MAP4K3: variants seen among roughly 807,000 people sequenced by gnomAD.
The protein encoded by MAP4K3 is MAPK/ERK kinase kinase kinase 3.
MAP4K3 carries 94 observed loss-of-function variants against 143.5 expected under a neutral mutation model. The ratio of observed to expected loss-of-function variants is 0.65; its 90% CI spans 0.55 to 0.78. The LOEUF is 0.78. Ranked by LOEUF, MAP4K3 falls within the 30% of genes least tolerant of loss-of-function variation. The probability of loss-of-function intolerance (pLI) is 0.00; values close to 1 mark genes in which losing one functional copy is unlikely to be tolerated. For synonymous variants in MAP4K3, 416 were observed against 347.2 expected, an observed-to-expected ratio of 1.20 and a Z score of -2.20; for missense variants, 1,077 against 1,068.1, an observed-to-expected ratio of 1.01 and a Z score of -0.12.
chr2:39,417,381 G>A lies in MAP4K3; in HGVS notation c.96+19511C>T, dbSNP rs372808548. Among the ~76,000 whole-genome samples the A allele has an allele frequency of 7.9e-5, 12 of 152,070 alleles. No homozygotes were observed. The East Asian group carries it at 1.4e-3, about 17-fold the overall frequency. Reference sequence around the variant, plus strand: ...ACTACAGGCGCCTGTCACCACGCCCGGCTAATTTTTTGTATTTTTAGTAGA... The same window carrying A: ...ACTACAGGCGCCTGTCACCACGCCCAGCTAATTTTTTGTATTTTTAGTAGA... On this transcript the variant is annotated intron_variant, in intron 1 of 33. Coordinates refer to ENST00000263881, the MANE Select transcript of MAP4K3 (RefSeq NM_003618.4).
At chr2:39,433,219 G>A (rs527458807) in intron 1 of MAP4K3, among the ~76,000 whole-genome samples, 1 of 152,168 alleles carries the variant, frequency 6.6e-6, no homozygotes, top group Non-Finnish European at 1.5e-5. Flanking sequence ...ACAGCCTGGA[G>A]TCTTTGTGTA....
chr2:39,352,201 GA>G (rs1356169526), intron 3 of MAP4K3, among the ~76,000 whole-genome samples: 5 of 152,100 alleles, frequency 3.3e-5, no homozygotes, highest in Admixed American at 1.3e-4. Context: ...TGAGACAGAA[GA>G]ATCTCTAGAA....
intron 13 of MAP4K3, among the ~76,000 whole-genome samples, chr2:39,312,166 C>T (rs1461365008): frequency 6.6e-6 from 1 of 152,146 alleles, no homozygotes. Flanking sequence ...AAAGTATAAA[C>T]TAGCCAGAGT....
chr2:39,280,231 A>G, intron 23 of MAP4K3, 41 bp downstream of exon 23: 1 of 1,205,460 alleles, frequency 8.3e-7, no homozygotes, highest in African/African-American at 1.5e-5. Context: ...CCCCAGTTTT[A>G]AAAAATTAGG....
intron 2 of MAP4K3, among the ~76,000 whole-genome samples, chr2:39,362,082 A>G (rs1156784856): frequency 6.6e-6 from 1 of 152,132 alleles, no homozygotes; most frequent in East Asian, 1.9e-4. Context: ...TGAATCCTGA[A>G]AAAATTATAC....
chr2:39,270,253 T>TGG (rs1680956645), intron 26 of MAP4K3, among the ~76,000 whole-genome samples: 1 of 152,226 alleles, frequency 6.6e-6, no homozygotes, highest in Non-Finnish European at 1.5e-5. Context: ...ATAAGAGTTG[T>TGG]GGGCAGTACA....
chr2:39,263,263 C>T (rs147822356), intron 28 of MAP4K3, among the ~76,000 whole-genome samples: 3 of 150,408 alleles, frequency 2.0e-5, no homozygotes, highest in African/African-American at 7.3e-5. Context: ...ACAAAATATA[C>T]ATATAGAAGT....
intron 12 of MAP4K3, among the ~76,000 whole-genome samples, chr2:39,315,711 C>T (rs1044178055): frequency 5.3e-5 from 8 of 152,114 alleles, no homozygotes; most frequent in African/African-American, 1.9e-4. Context: ...TAGATCCATT[C>T]TACAAGGATG....
intron 21 of MAP4K3, among the ~76,000 whole-genome samples, chr2:39,285,519 G>A (rs1681733077): frequency 6.6e-6 from 1 of 152,122 alleles, no homozygotes; most frequent in African/African-American, 2.4e-5. Flanking sequence ...TGCTCAGTTG[G>A]ACAGAACTTC....
intron 1 of MAP4K3, among the ~76,000 whole-genome samples, chr2:39,424,744 T>C (rs923646665): frequency 2.8e-5 from 4 of 144,962 alleles, no homozygotes; most frequent in African/African-American, 1.0e-4. Context: ...GGTGAGAGAA[T>C]CACTTGAGCC....
chr2:39,260,824 G>C, intron 28 of MAP4K3, 47 bp from the exon 29 acceptor site: 2 of 1,330,870 alleles, frequency 1.5e-6, no homozygotes, highest in Non-Finnish European at 2.1e-6. Flanking sequence ...AATAAAAACC[G>C]AATAATTCTA....
intron 26 of MAP4K3, among the ~76,000 whole-genome samples, chr2:39,270,171 G>A (rs1209248065): frequency 6.6e-6 from 1 of 152,144 alleles, no homozygotes; most frequent in Non-Finnish European, 1.5e-5. Flanking sequence ...AGACCATAGG[G>A]ATGACTACTA....
chr2:39,312,166 C>A (rs1461365008), intron 13 of MAP4K3, among the ~76,000 whole-genome samples: 2 of 152,146 alleles, frequency 1.3e-5, no homozygotes, highest in Non-Finnish European at 2.9e-5. Flanking sequence ...AAAGTATAAA[C>A]TAGCCAGAGT....
At chr2:39,433,143 T>G (rs1665346443) in intron 1 of MAP4K3, among the ~76,000 whole-genome samples, 1 of 152,146 alleles carries the variant, frequency 6.6e-6, no homozygotes, top group Non-Finnish European at 1.5e-5. Context: ...AAAATGCCTG[T>G]GTACAGAATT....
At chr2:39,374,058 G>A (rs72929164) in intron 2 of MAP4K3, among the ~76,000 whole-genome samples, 11,259 of 152,196 alleles carry the variant, frequency 0.074, 1,398 homozygotes, top group African/African-American at 0.26. Context: ...TATCAAAATA[G>A]CTCATGTAAC....
chr2:39,322,209 AGACTTTT>A (rs1327793663), intron 12 of MAP4K3, among the ~76,000 whole-genome samples: 1 of 152,218 alleles, frequency 6.6e-6, no homozygotes. Context: ...GAAAAACCCT[AGACTTTT>A]GATCTAATAT....
intron 1 of MAP4K3, among the ~76,000 whole-genome samples, chr2:39,404,157 G>C (rs1667028590): frequency 6.6e-6 from 1 of 152,122 alleles, no homozygotes; most frequent in Admixed American, 6.6e-5. Flanking sequence ...ATGCCCAGTT[G>C]TGGTAGCTAC....
chr2:39,421,378 T>C (rs1308413562), intron 1 of MAP4K3, among the ~76,000 whole-genome samples: 1 of 147,814 alleles, frequency 6.8e-6, no homozygotes, highest in Non-Finnish European at 1.5e-5. Flanking sequence ...ATTTTTTTTT[T>C]TTTTTTTTTT....
chr2:39,410,154 G>A (rs752585641), intron 1 of MAP4K3, among the ~76,000 whole-genome samples: 1 of 152,124 alleles, frequency 6.6e-6, no homozygotes, highest in Non-Finnish European at 1.5e-5. Flanking sequence ...ATGGTAGTTT[G>A]GGATTGTGGA....
Sources: gnomAD v4.1 joint callset for allele counts (sites outside exome capture counted in the v4.1 genomes callset) on GRCh38, gnomAD v4.1.1 for gene constraint, MANE v1.5 for transcripts, NCBI Gene and HGNC (gene_info 2026-07-23, HGNC 2026-07-21) for gene names.